EXO1: variants seen among roughly 807,000 people sequenced by gnomAD.
EXO1 encodes the protein exonuclease 1.
EXO1 carries 69 observed loss-of-function variants against 84.5 expected under a neutral mutation model. The ratio of observed to expected loss-of-function variants is 0.82; its 90% CI spans 0.67 to 1.00. EXO1 has a LOEUF of 1.00. Ranked by LOEUF, EXO1 falls within the 50% of genes least tolerant of loss-of-function variation. EXO1 has a pLI of 0.00. For missense variants in EXO1, 1,045 were observed against 1,000.7 expected, an observed-to-expected ratio of 1.04 and a Z score of -0.60; for synonymous variants, 373 against 366.1, an observed-to-expected ratio of 1.02 and a Z score of -0.21.
chr1:241,863,748 A>G (rs1661539368), intron 10 of EXO1, among the ~76,000 whole-genome samples: 1 of 152,178 alleles, frequency 6.6e-6, no homozygotes, highest in African/African-American at 2.4e-5. Context: ...GCTCCATGTA[A>G]TACGGTAGCC....
At chr1:241,884,072 A>G (rs1413759212) in intron 14 of EXO1, among the ~76,000 whole-genome samples, 4 of 152,214 alleles carry the variant, frequency 2.6e-5, no homozygotes, top group South Asian at 4.1e-4. Context: ...TTTTTGTTTT[A>G]TCTATTAAAT....
intron 9 of EXO1, 136 bp from the exon 10 acceptor site, chr1:241,861,270 G>A (rs1661366342): frequency 3.0e-6 from 2 of 664,664 alleles, no homozygotes; most frequent in Non-Finnish European, 5.4e-6. Context: ...TAATGCTGAT[G>A]TATAAAGTAA....
rs1402172960 is a variant in EXO1, at chr1:241,848,697, G to A, written c.-419-34G>A. On this transcript the variant is annotated intron_variant, in intron 1 of 15. Transcript: ENST00000366548. This position sits in a 1 kb window ranked among gnomAD's most constrained non-coding sequence, Gnocchi z 4.2. ...ACATGCAATCTCTCCACCTTTAAAT[G>A]TTGACAAGTACATTTTCCCATAATA... 6.6e-6 allele frequency: 1 copy of A among 152,188 alleles called. No homozygotes were observed. The highest frequency in any genetic ancestry group is 1.5e-5 in the Non-Finnish European group (1 of 68,048). The allele number at this position is 152,188 out of a possible 1,614,324, so 9.4% of individuals were successfully genotyped here.
intron 12 of EXO1, among the ~76,000 whole-genome samples, chr1:241,873,160 G>T (rs1027462331): frequency 6.6e-6 from 1 of 152,012 alleles, no homozygotes; most frequent in South Asian, 2.1e-4. Flanking sequence ...TGCCATGTTG[G>T]TGTGCTGCAC....
At chr1:241,861,373 T>C (rs769246356) in intron 9 of EXO1, 33 bp from the exon 10 acceptor site, 1 of 1,063,914 alleles carries the variant, frequency 9.4e-7, no homozygotes, top group Non-Finnish European at 1.5e-6. Flanking sequence ...TGGTTGTTAA[T>C]AAATACATTT....
At chr1:241,880,929 C>T (rs1662712970) in intron 13 of EXO1, among the ~76,000 whole-genome samples, 1 of 152,144 alleles carries the variant, frequency 6.6e-6, no homozygotes, top group Non-Finnish European at 1.5e-5. Context: ...CCAGAGTCAC[C>T]AATACTGTTA....
chr1:241,857,746 T>A (rs1027040322), intron 7 of EXO1, among the ~76,000 whole-genome samples: 3 of 152,106 alleles, frequency 2.0e-5, no homozygotes, highest in African/African-American at 7.2e-5. Flanking sequence ...TTTTTCAAAG[T>A]AAGCCCTTAA....
At chr1:241,873,390 A>G (rs1296525287) in intron 12 of EXO1, among the ~76,000 whole-genome samples, 1 of 152,226 alleles carries the variant, frequency 6.6e-6, no homozygotes, top group Non-Finnish European at 1.5e-5. Context: ...AACTTCTAGT[A>G]CTTTCGTAAT....
chr1:241,857,066 T>C lies in EXO1; in HGVS notation c.406-279T>C, dbSNP rs113136577. On this transcript the variant is annotated intron_variant, in intron 6 of 15. Coordinates refer to ENST00000366548, the MANE Select transcript of EXO1 (RefSeq NM_130398.4). ...TCTCCAAAAAATAAAATGATTACTT[T>C]TGTAACTTGTAGGATTCTTTTTTCC... Among the ~76,000 whole-genome samples the C allele has an allele frequency of 1.7e-3, 266 of 152,314 alleles. 3 individuals are homozygous for C. The highest frequency in any genetic ancestry group is 6.1e-3 in the African/African-American group (255 of 41,562).
intron 4 of EXO1, among the ~76,000 whole-genome samples, chr1:241,850,832 T>A (rs539355819): frequency 7.3e-6 from 1 of 137,764 alleles, no homozygotes; most frequent in African/African-American, 2.8e-5. Context: ...ATATCTCCTT[T>A]ATTCTTTTTT....
intron 11 of EXO1, among the ~76,000 whole-genome samples, chr1:241,869,366 A>G (rs1245663994): frequency 6.6e-6 from 1 of 152,228 alleles, no homozygotes; most frequent in Non-Finnish European, 1.5e-5. Context: ...GGAATATACT[A>G]GGTATTGGGG....
At position 241,858,679 on chromosome 1, in the gene EXO1, C is replaced by T. The variant is rs1179947373; in HGVS notation, c.717C>T (p.Cys239=). The T allele has an allele frequency of 6.2e-7, 1 of 1,613,834 alleles. No homozygotes were observed. Among genetic ancestry groups the T allele is most frequent in the Admixed American group, 1.7e-5 (1 of 60,012 alleles). The change falls in exon 8 of 16, where the codon TGC becomes TGT. Residue 239 remains cysteine, a synonymous_variant. Coordinates refer to ENST00000366548, the MANE Select transcript of EXO1 (RefSeq NM_130398.4). ...GTGGGATTGGATTAGCAAAGGCATG[C>T]AAAGTCCTAAGACTAGCCAATAATC... ...SLRGIGLAKA[C]KVLRLANNPD...
Position 241,872,039 on chromosome 1 carries a change from G to A in EXO1, c.1275G>A (p.Leu425=), listed in dbSNP as rs1240338576. Residue 425 remains leucine, a synonymous_variant, in exon 12 of 16, where the codon CTG becomes CTA. Transcript: ENST00000366548. ...AATTTTGTTTTTATTTAGCAGAGCT[G>A]TCAGAAGATGACCTGTTGAGTCAGT... The part of the protein sequence containing the change: ...SIVKRPRSAE[L]SEDDLLSQYS... 1 of 1,612,716 alleles carries A rather than the reference G, an allele frequency of 6.2e-7. No individual in the cohort carries two copies. Among genetic ancestry groups the A allele is most frequent in the Middle Eastern group, 1.7e-4 (1 of 6,058 alleles).
At chr1:241,871,132 A>C (rs1201457688) in intron 11 of EXO1, among the ~76,000 whole-genome samples, 1 of 152,008 alleles carries the variant, frequency 6.6e-6, no homozygotes, top group East Asian at 1.9e-4. Flanking sequence ...CTTGTTGGGG[A>C]CCCTGGAACA....
intron 4 of EXO1, 87 bp downstream of exon 4, chr1:241,850,673 C>T: frequency 9.5e-7 from 1 of 1,048,428 alleles, no homozygotes; most frequent in Non-Finnish European, 1.5e-6. Flanking sequence ...GGATTGTTTT[C>T]ACTCAATGCC....
chr1:241,862,226 C>T lies in EXO1; in HGVS notation c.1041+724C>T, dbSNP rs140137692. Among the ~76,000 whole-genome samples, 334 of 152,326 alleles carry T rather than the reference C, an allele frequency of 2.2e-3. 3 individuals are homozygous for T. Among genetic ancestry groups the T allele is most frequent in the Middle Eastern group, 0.017 (5 of 294 alleles). On this transcript the variant is annotated intron_variant, in intron 10 of 15. Transcript: ENST00000366548. ...GCGCTGGGATTACAGGCGTGAGCCACCACTCCTAGCCGCGATTTGCTGTTT... is the reference window on the plus strand; with the variant it reads ...GCGCTGGGATTACAGGCGTGAGCCATCACTCCTAGCCGCGATTTGCTGTTT...
intron 12 of EXO1, 103 bp from the exon 13 acceptor site, chr1:241,878,646 T>C: frequency 1.4e-6 from 1 of 722,774 alleles, no homozygotes. Flanking sequence ...TATGAGACTT[T>C]TTTCAAAAAG....
intron 15 of EXO1, among the ~76,000 whole-genome samples, chr1:241,887,088 T>C (rs1405542015): frequency 6.6e-6 from 1 of 152,236 alleles, no homozygotes; most frequent in African/African-American, 2.4e-5. Context: ...GTAGTTTCTT[T>C]AGGTCAGTGA....
At chr1:241,880,806 G>A (rs899495166) in intron 13 of EXO1, among the ~76,000 whole-genome samples, 9 of 152,018 alleles carry the variant, frequency 5.9e-5, no homozygotes, top group South Asian at 2.1e-4. Flanking sequence ...GCCTTCTGTC[G>A]GTAGTTCACT....
Sources: gnomAD v4.1 joint callset for allele counts (sites outside exome capture counted in the v4.1 genomes callset) on GRCh38, gnomAD v4.1.1 for gene constraint, Gnocchi (gnomAD v3.1) non-coding constraint, MANE v1.5 for transcripts, NCBI Gene and HGNC (gene_info 2026-07-23, HGNC 2026-07-21) for gene names.